FOXM1: variants seen among roughly 807,000 people sequenced by gnomAD.
The protein encoded by FOXM1 is forkhead box M1, also known as forkhead box protein M1.
A neutral mutation model predicts 63.6 loss-of-function variants in FOXM1; 25 were observed. The observed-to-expected ratio is 0.39, with a 90% CI of 0.29 to 0.55. FOXM1 has a LOEUF of 0.55. Ranked by LOEUF, FOXM1 falls within the 20% of genes least tolerant of loss-of-function variation. FOXM1 has a pLI of 0.60. For missense variants in FOXM1, 879 were observed against 958.7 expected (o/e 0.92, Z 1.10); for synonymous variants, 387 against 376.9 (o/e 1.03, Z -0.31).
At chr12:2,876,835 GAC>G (rs2098145429) in intron 1 of FOXM1, 83 bp downstream of exon 1, 1 of 152,904 alleles carries the variant, frequency 6.5e-6, no homozygotes, top group African/African-American at 2.4e-5. Flanking sequence ...CCTGCTGCTA[GAC>G]GCCCTGACCT....
intron 8 of FOXM1, among the ~76,000 whole-genome samples, chr12:2,860,531 G>C (rs2098109288): frequency 6.6e-6 from 1 of 152,068 alleles, no homozygotes; most frequent in Admixed American, 6.6e-5. Flanking sequence ...AATAGAAGTA[G>C]AAAAATATCT....
intron 6 of FOXM1, chr12:2,865,013 G>A: frequency 1.7e-6 from 1 of 585,320 alleles, no homozygotes; most frequent in Non-Finnish European, 3.1e-6. Context: ...CCTGGGGGAT[G>A]CCAGAGCAGG....
Position 2,858,553 on chromosome 12 carries a change from G to T in FOXM1, c.*85C>A. ...AGGAGCAGAACAGTCCCTGCCTGCT[G>T]TCCTCACTCAGAGGCTTGGGGTGCA... On this transcript the variant is annotated 3_prime_UTR_variant, in exon 9 of 9. Transcript: ENST00000359843. The T allele has an allele frequency of 8.3e-7, 1 of 1,204,454 alleles. No homozygotes were observed. The highest frequency in any genetic ancestry group is 1.2e-6 in the Non-Finnish European group (1 of 854,828). The allele number at this position is 1,204,454 out of a possible 1,614,324, so 74.6% of individuals were successfully genotyped here. A position where few individuals can be genotyped will look rare whatever the true frequency, so the allele number is the denominator to read the frequency against.
Position 2,872,391 on chromosome 12 carries a change from C to T in FOXM1, c.503-144G>A. On this transcript the variant is annotated intron_variant, in intron 2 of 8. Transcript: ENST00000359843. This position sits in a 1 kb window ranked among gnomAD's most constrained non-coding sequence, Gnocchi z 4.0. The stretch of plus-strand genomic sequence containing the variant: ...TTGGGAGGGCGAGGCGGGTGGATCT[C>T]CTGAGGTCAGGAGTTCAAGACCAGC... The T allele has an allele frequency of 6.7e-6, 5 of 751,490 alleles. No individual in the cohort carries two copies. Among genetic ancestry groups the T allele is most frequent in the South Asian group, 3.5e-5 (2 of 57,292 alleles). The allele number at this position is 751,490 out of a possible 1,614,324, so 46.6% of individuals were successfully genotyped here.
chr12:2,858,714 C>T lies in FOXM1; in HGVS notation c.2216G>A (p.Ser739Asn), dbSNP rs1351087498. ...DSLSKILLDISFPGLDEDPLG... is the reference protein window; with the variant it reads ...DSLSKILLDINFPGLDEDPLG... The stretch of plus-strand genomic sequence containing the variant: ...TGGGTCCTCGTCCAGGCCAGGAAAG[C>T]TGATGTCCAGCAGGATCTTGCTGAG... The change falls in exon 9 of 9, where the codon AGC becomes AAC. Residue 739 changes from serine to asparagine, a missense_variant. By Grantham distance (46) the Ser-to-Asn change is conservative. Around this residue, in one of 4 missense-constraint regions of FOXM1, gnomAD observed 486 missense variants for 453.5 expected, o/e 1.07. Transcript: ENST00000359843. The T allele has an allele frequency of 1.2e-6, 2 of 1,614,216 alleles. No homozygotes were observed. The highest frequency in any genetic ancestry group is 3.3e-5 in the Admixed American group (2 of 60,032).
rs756771373 is a variant in FOXM1 at position 2,864,295 on chromosome 12, CT to C, written c.1266+24del. 5.0e-6 allele frequency: 8 copies of C among 1,591,924 alleles called. No individual in the cohort carries two copies. In the East Asian group the frequency reaches 1.3e-4, roughly 27 times the overall value. ...ACATTCTTAATTGGCCAGAATCTCT[CT>C]TCAGAGGAAAATAGGACACCCACCT... On this transcript the variant is annotated intron_variant, in intron 8 of 8. Coordinates refer to ENST00000359843, the MANE Select transcript of FOXM1 (RefSeq NM_021953.4). This position sits in a 1 kb window ranked among gnomAD's most constrained non-coding sequence, Gnocchi z 5.1.
Position 2,859,183 on chromosome 12 carries a change from CAG to C in FOXM1, c.1745_1746del (p.Ser582Ter). On this transcript the variant is annotated frameshift_variant, in exon 9 of 9. Coordinates refer to ENST00000359843, the MANE Select transcript of FOXM1 (RefSeq NM_021953.4). LOFTEE classifies it high-confidence loss of function. ...AAELPFPADS[S>X]DPASQLSYSQ... Reference sequence around the variant, plus strand: ...GAGTAGCTGAGCTGGGAGGCAGGGTCAGAGGAGTCTGCTGGGAACGGGAGCTC... The same window carrying C: ...GAGTAGCTGAGCTGGGAGGCAGGGTCAGGAGTCTGCTGGGAACGGGAGCTC... 6.2e-7 allele frequency: 1 copy of C among 1,610,082 alleles called. No homozygotes were observed. The highest frequency in any genetic ancestry group is 1.3e-5 in the African/African-American group (1 of 74,908).
At chr12:2,862,069 C>T (rs2098114571) in intron 8 of FOXM1, among the ~76,000 whole-genome samples, 1 of 151,852 alleles carries the variant, frequency 6.6e-6, no homozygotes, top group Non-Finnish European at 1.5e-5. Flanking sequence ...ATCGCAGCTA[C>T]TCAGGAGGCC....
rs2098095524 is a variant in FOXM1, at chr12:2,858,292, T to C, written c.*346A>G. 4.5e-6 allele frequency: 1 copy of C among 221,054 alleles called. No homozygotes were observed. Among genetic ancestry groups the C allele is most frequent in the Non-Finnish European group, 8.9e-6 (1 of 112,200 alleles). 13.7% of individuals were successfully genotyped at this position (221,054 alleles called of 1,614,324 possible). On this transcript the variant is annotated 3_prime_UTR_variant, in exon 9 of 9. Transcript: ENST00000359843. The stretch of plus-strand genomic sequence containing the variant: ...TAATTAGAGGATAATTTGGAGAATT[T>C]ATACTATTTACACGGACCACCCTGC...
chr12:2,868,574 G>A lies in FOXM1; in HGVS notation c.835C>T (p.Pro279Ser). The A allele has an allele frequency of 1.2e-6, 2 of 1,610,318 alleles. No individual in the cohort carries two copies. The highest frequency in any genetic ancestry group is 1.7e-4 in the Middle Eastern group (1 of 6,044). The change falls in exon 4 of 9, where the codon CCA becomes TCA. Residue 279 changes from proline to serine, a missense_variant. Physicochemically the swap from Pro to Ser is moderately conservative, Grantham distance 74 (BLOSUM62 -1). Coordinates refer to ENST00000359843, the MANE Select transcript of FOXM1 (RefSeq NM_021953.4). ...GTGGGACACATTACCTTCCAGCCTG[G>A]CTTGGCAATGTGCTTAAAGTAGGGA... is the stretch of plus-strand genomic sequence containing the variant. The part of the protein sequence containing the change: ...HFPYFKHIAK[P>S]GWKNSIRHNL...
chr12:2,865,935 G>A (rs1427665374), intron 5 of FOXM1, among the ~76,000 whole-genome samples: 1 of 152,140 alleles, frequency 6.6e-6, no homozygotes, highest in Non-Finnish European at 1.5e-5. Context: ...TTACAGACGT[G>A]AGCCACCACA....
intron 3 of FOXM1, among the ~76,000 whole-genome samples, chr12:2,871,663 A>AATG (rs1453525934): frequency 0.03 from 4,417 of 147,674 alleles, 206 homozygotes; most frequent in African/African-American, 0.1. Flanking sequence ...AAAAAAAAAA[A>AATG]TATATATACG....
intron 6 of FOXM1, chr12:2,865,014 C>G: frequency 1.7e-6 from 1 of 584,418 alleles, no homozygotes; most frequent in Non-Finnish European, 3.1e-6. Flanking sequence ...CTGGGGGATG[C>G]CAGAGCAGGT....
At chr12:2,873,024 A>G (rs1446059292) in intron 2 of FOXM1, among the ~76,000 whole-genome samples, 1 of 152,194 alleles carries the variant, frequency 6.6e-6, no homozygotes, top group Non-Finnish European at 1.5e-5. Context: ...ACTGCACTCT[A>G]GCCTGGGTGA....
chr12:2,863,098 G>A (rs2098116891), intron 8 of FOXM1, among the ~76,000 whole-genome samples: 1 of 152,128 alleles, frequency 6.6e-6, no homozygotes, highest in African/African-American at 2.4e-5. Flanking sequence ...CTCCCTGCCA[G>A]GGGACATTTG....
At position 2,859,029 on chromosome 12, in the gene FOXM1, C is replaced by T; in HGVS notation, c.1901G>A (p.Gly634Glu). ...GGTTTGTACTGGGCTGAAATCCAGTCCCCCTACTTTGGCTGGGGGCGTGAG... is the reference window on the plus strand; with the variant it reads ...GGTTTGTACTGGGCTGAAATCCAGTTCCCCTACTTTGGCTGGGGGCGTGAG... ...WRLTPPAKVG[G>E]LDFSPVQTSQ... is the part of the protein sequence containing the mutation. Residue 634 changes from glycine to glutamate, a missense_variant, in exon 9 of 9, where the codon GGA becomes GAA. By Grantham distance (98) the Gly-to-Glu change is moderately conservative. Around this residue, in one of 4 missense-constraint regions of FOXM1, gnomAD observed 486 missense variants for 453.5 expected, o/e 1.07. Transcript: ENST00000359843. The T allele has an allele frequency of 6.2e-7, 1 of 1,610,640 alleles. No homozygotes were observed. Among genetic ancestry groups the T allele is most frequent in the Non-Finnish European group, 8.5e-7 (1 of 1,178,252 alleles).
At chr12:2,863,325 T>TCCCGCCTCCATGGCACTG (rs1465052797) in intron 8 of FOXM1, among the ~76,000 whole-genome samples, 1 of 152,186 alleles carries the variant, frequency 6.6e-6, no homozygotes, top group African/African-American at 2.4e-5. Context: ...GAACTGCATT[T>TCCCGCCTCCATGGCACTG]CCCGCCTCCA....
chr12:2,867,004 T>G (rs545425013), intron 4 of FOXM1, among the ~76,000 whole-genome samples: 1 of 152,094 alleles, frequency 6.6e-6, no homozygotes, highest in South Asian at 2.1e-4. Context: ...AATATAAAAA[T>G]TAGCCAGGCA....
intron 1 of FOXM1, among the ~76,000 whole-genome samples, chr12:2,875,162 T>C (rs1435395554): frequency 2.0e-5 from 3 of 151,962 alleles, no homozygotes; most frequent in Non-Finnish European, 4.4e-5. Context: ...CCGGCTAGTT[T>C]TTGTATTTTT....
Sources: gnomAD v4.1 joint callset for allele counts (sites outside exome capture counted in the v4.1 genomes callset) on GRCh38, gnomAD v4.1.1 for gene constraint, gnomAD v4.1.1 regional missense constraint, Gnocchi (gnomAD v3.1) non-coding constraint, MANE v1.5 for transcripts, NCBI Gene and HGNC (gene_info 2026-07-23, HGNC 2026-07-21) for gene names.